NUCB2: variants seen among roughly 807,000 people sequenced by gnomAD.
The protein encoded by NUCB2 is nucleobindin 2.
NUCB2 carries 48 observed loss-of-function variants against 57.9 expected under a neutral mutation model. The observed-to-expected ratio is 0.83, with a 90% confidence interval of 0.66 to 1.05. NUCB2 has a LOEUF of 1.05. Among genes scored for constraint, NUCB2 ranks in the 50% least tolerant of loss-of-function variants. The pLI is 0.00. For missense variants in NUCB2, 442 were observed against 476.2 expected, an observed-to-expected ratio of 0.93 and a Z score of 0.67; for synonymous variants, 139 against 152.1, an observed-to-expected ratio of 0.91 and a Z score of 0.64.
chr11:17,349,071 C>T (rs868131806), intron 2 of NUCB2, among the ~76,000 whole-genome samples: 2 of 152,166 alleles, frequency 1.3e-5, no homozygotes, highest in Non-Finnish European at 2.9e-5. Flanking sequence ...TGAGCCACCG[C>T]GCCCAGCAGA....
chr11:17,317,157 A>G (rs1423227689), intron 11 of NUCB2, among the ~76,000 whole-genome samples: 2 of 152,210 alleles, frequency 1.3e-5, no homozygotes, highest in Non-Finnish European at 2.9e-5. Flanking sequence ...AGGAATAGAC[A>G]GGAAATCCCT....
chr11:17,277,376 A>G (rs1941557552), intron 1 of NUCB2, among the ~76,000 whole-genome samples: 2 of 152,220 alleles, frequency 1.3e-5, no homozygotes, highest in South Asian at 4.1e-4. Context: ...GATGAGAAAC[A>G]GTATTTCCTT....
Position 17,330,170 on chromosome 11 carries a change from A to G in NUCB2, c.1046A>G (p.Glu349Gly). ...TTCTTCACAGAGGAAGAACTAAAAG[A>G]ATATGAAAATATTATTGCTTTACAA... ...QQFFTEEELK[E>G]YENIIALQEN... is the part of the protein sequence containing the mutation. The change falls in exon 12 of 14, where the codon GAA becomes GGA. Residue 349 changes from glutamate to glycine, a missense_variant. Physicochemically the swap from Glu to Gly is moderately conservative, Grantham distance 98 (BLOSUM62 -2). Transcript: ENST00000529010. This position sits in a 1 kb window ranked among gnomAD's most constrained non-coding sequence, Gnocchi z 4.3. 6.3e-7 allele frequency: 1 copy of G among 1,580,392 alleles called. No individual in the cohort carries two copies. The highest frequency in any genetic ancestry group is 1.1e-5 in the South Asian group (1 of 87,774).
intron 11 of NUCB2, among the ~76,000 whole-genome samples, chr11:17,316,997 G>A (rs1949339264): frequency 6.6e-6 from 1 of 152,090 alleles, no homozygotes; most frequent in Non-Finnish European, 1.5e-5. Flanking sequence ...TTTGTCTAAC[G>A]TTTGAAATGT....
intron 2 of NUCB2, among the ~76,000 whole-genome samples, chr11:17,286,145 C>T (rs973545045): frequency 1.3e-5 from 2 of 152,136 alleles, no homozygotes; most frequent in Non-Finnish European, 2.9e-5. Context: ...GTGATCTTCC[C>T]ACCTCATCCC....
At chr11:17,276,881 G>C (rs1255638294) in intron 1 of NUCB2, 53 bp downstream of exon 1, 1 of 152,386 alleles carries the variant, frequency 6.6e-6, no homozygotes, top group East Asian at 1.9e-4. Flanking sequence ...GGAGATTAGG[G>C]GTGGGGGAGT....
chr11:17,311,366 G>A, intron 8 of NUCB2, 83 bp downstream of exon 8: 1 of 1,001,246 alleles, frequency 1.0e-6, no homozygotes. Flanking sequence ...TTCTGCCAAG[G>A]TCTGCTATTG....
chr11:17,293,702 T>C (rs989071854), intron 2 of NUCB2, among the ~76,000 whole-genome samples: 1 of 152,228 alleles, frequency 6.6e-6, no homozygotes, highest in Non-Finnish European at 1.5e-5. Flanking sequence ...GGACTATCTA[T>C]TCAGCTATAA....
intron 5 of NUCB2, among the ~76,000 whole-genome samples, chr11:17,305,059 C>T (rs546735668): frequency 5.3e-5 from 8 of 152,246 alleles, no homozygotes; most frequent in Non-Finnish European, 1.0e-4. Flanking sequence ...CATGGTGGCT[C>T]ACGCCTGTAA....
At chr11:17,327,159 C>T (rs940521563) in intron 11 of NUCB2, among the ~76,000 whole-genome samples, 1 of 152,114 alleles carries the variant, frequency 6.6e-6, no homozygotes, top group African/African-American at 2.4e-5. Flanking sequence ...TTCTCAGGTT[C>T]AAGTGATTCT....
intron 5 of NUCB2, among the ~76,000 whole-genome samples, chr11:17,303,433 G>GA (rs1170035299): frequency 2.0e-5 from 3 of 151,670 alleles, no homozygotes; most frequent in African/African-American, 4.8e-5. Context: ...GTCCTAAGGA[G>GA]AAAAAAATCT....
At chr11:17,301,557 G>T (rs1476445141) in intron 4 of NUCB2, among the ~76,000 whole-genome samples, 187 bp from the exon 5 acceptor site, 6 of 152,148 alleles carry the variant, frequency 3.9e-5, no homozygotes, top group African/African-American at 9.7e-5. Context: ...GGGATTACAG[G>T]CGTGAGCCAC....
downstream of NUCB2, chr11:17,332,538 A>G (rs983026155): frequency 1.6e-4 from 23 of 146,084 alleles, no homozygotes; most frequent in Admixed American, 1.5e-3. Flanking sequence ...CCTGAAGAGA[A>G]ACCACCAGAA....
intron 11 of NUCB2, among the ~76,000 whole-genome samples, chr11:17,317,974 CTTTTTTTTT>C (rs35264082): frequency 1.8e-5 from 2 of 109,916 alleles, no homozygotes; most frequent in African/African-American, 6.8e-5. Context: ...AAGAAGTCAG[CTTTTTTTTT>C]TTTTTTTTTT....
At chr11:17,284,636 CT>C (rs1943307218) in intron 2 of NUCB2, among the ~76,000 whole-genome samples, 2 of 152,072 alleles carry the variant, frequency 1.3e-5, no homozygotes, top group African/African-American at 4.8e-5. Flanking sequence ...TTGCAGTTTC[CT>C]TTTTTCTGAT....
Position 17,311,264 on chromosome 11 carries a change from G to C in NUCB2, c.741G>C (p.Lys247Asn), listed in dbSNP as rs372814148. 6.2e-6 allele frequency: 10 copies of C among 1,605,992 alleles called. No individual in the cohort carries two copies. The Middle Eastern group carries it at 8.3e-4, about 133-fold the overall frequency. ...TGGATCCTAATGACTTTGACCCCAAGACATTTTTCAAATTACATGGTAACG... is the reference window on the plus strand; with the variant it reads ...TGGATCCTAATGACTTTGACCCCAACACATTTTTCAAATTACATGGTAACG... ...DGLDPNDFDP[K>N]TFFKLHDVNS... Residue 247 changes from lysine (K) to asparagine (N), a missense_variant, in exon 8 of 14, where the codon AAG (lysine) becomes AAC (asparagine). By Grantham distance (94) the Lys-to-Asn change is moderately conservative (BLOSUM62 0). Transcript: ENST00000529010.
chr11:17,331,284 G>GT, intron 13 of NUCB2, 128 bp from the exon 14 acceptor site: 1 of 520,134 alleles, frequency 1.9e-6, no homozygotes, highest in Non-Finnish European at 3.3e-6. Context: ...CAGAGAATAT[G>GT]TTTTTTAAAA....
At chr11:17,290,854 T>C (rs1398850617) in intron 2 of NUCB2, among the ~76,000 whole-genome samples, 1 of 152,160 alleles carries the variant, frequency 6.6e-6, no homozygotes, top group Non-Finnish European at 1.5e-5. Flanking sequence ...TTTTAAAATT[T>C]TTCACATTTT....
At chr11:17,303,841 C>T (rs558776110) in intron 5 of NUCB2, among the ~76,000 whole-genome samples, 12 of 148,574 alleles carry the variant, frequency 8.1e-5, no homozygotes, top group African/African-American at 2.7e-4. Flanking sequence ...ACTGAGATCA[C>T]GTCACCTCAC....
Sources: gnomAD v4.1 joint callset for allele counts (sites outside exome capture counted in the v4.1 genomes callset) on GRCh38, gnomAD v4.1.1 for gene constraint, Gnocchi (gnomAD v3.1) non-coding constraint, MANE v1.5 for transcripts, NCBI Gene and HGNC (gene_info 2026-07-23, HGNC 2026-07-21) for gene names.